GCM1: variants seen among roughly 807,000 people sequenced by gnomAD.
GCM1 encodes the protein chorion-specific transcription factor GCMa.
Under a neutral mutation model 25.7 loss-of-function variants are expected in GCM1, and 2 were observed. That is an observed-to-expected ratio of 0.08 (90% CI 0.03 to 0.24). The LOEUF is 0.24. GCM1 is among the 10% of genes least tolerant of loss of function. GCM1 has a pLI of 1.00. For synonymous variants in GCM1, 183 were observed against 195.7 expected (o/e 0.94, Z 0.54); for missense variants, 395 against 538.7 (o/e 0.73, Z 2.64).
chr6:53,144,124 T>A (rs1410756561), intron 2 of GCM1, among the ~76,000 whole-genome samples: 1 of 152,174 alleles, frequency 6.6e-6, no homozygotes, highest in African/African-American at 2.4e-5. Flanking sequence ...TAAACAGTGA[T>A]ACATGTTGAA....
intron 2 of GCM1, among the ~76,000 whole-genome samples, chr6:53,142,918 A>C (rs1288153658): frequency 6.7e-6 from 1 of 149,652 alleles, no homozygotes; most frequent in Non-Finnish European, 1.5e-5. Flanking sequence ...ATGGAACTAG[A>C]ATTCAAATCT....
chr6:53,142,723 G>A (rs1054845920), intron 2 of GCM1, among the ~76,000 whole-genome samples: 6 of 151,718 alleles, frequency 4.0e-5, no homozygotes, highest in East Asian at 1.9e-4. Flanking sequence ...TTTCATACAC[G>A]TCAGGCACTG....
chr6:53,128,226 T>C lies in GCM1; in HGVS notation c.1291A>G (p.Asn431Asp), dbSNP rs1562086440. 1 of 1,608,634 alleles carries C rather than the reference T, an allele frequency of 6.2e-7. No homozygotes were observed. The change falls in exon 6 of 6, where the codon AAC (asparagine) becomes GAC (aspartate). Residue 431 changes from asparagine to aspartate, a missense_variant. This residue lies in a region of GCM1 where 291 missense variants were observed against 314.6 expected (regional missense o/e 0.92). Coordinates refer to ENST00000259803, the MANE Select transcript of GCM1 (RefSeq NM_003643.4). Reference protein sequence around the residue: ...LDHCNNDMLLNLCPLR With the variant: ...LDHCNNDMLLDLCPLR Reference sequence around the variant, plus strand: ...TTGGGTCATCTCAAAGGACACAGGTTCAGAAGCATATCATTGTTGCAGTGA... The same window carrying C: ...TTGGGTCATCTCAAAGGACACAGGTCCAGAAGCATATCATTGTTGCAGTGA...
chr6:53,134,778 G>A (rs900370485), intron 2 of GCM1, among the ~76,000 whole-genome samples: 6 of 152,180 alleles, frequency 3.9e-5, no homozygotes, highest in African/African-American at 1.4e-4. Context: ...GACCAGCCTG[G>A]GCAACACAGC....
At chr6:53,132,268 A>C (rs1581849708) in intron 3 of GCM1, 149 bp from the exon 4 acceptor site, 1 of 625,456 alleles carries the variant, frequency 1.6e-6, no homozygotes, top group Non-Finnish European at 2.8e-6. Context: ...ACTAGATATT[A>C]CCCCTGACCC....
chr6:53,145,037 G>GAAGGC (rs763498770), intron 2 of GCM1, among the ~76,000 whole-genome samples: 298 of 152,014 alleles, frequency 2.0e-3, no homozygotes, highest in Non-Finnish European at 3.6e-3. Context: ...AAGAAGGCAG[G>GAAGGC]AAGGCAAGGC....
chr6:53,144,982 G>A (rs1363210216), intron 2 of GCM1, among the ~76,000 whole-genome samples: 1 of 99,258 alleles, frequency 1.0e-5, no homozygotes, highest in Non-Finnish European at 2.0e-5. Flanking sequence ...AAAATGAAAA[G>A]AAAGAGAGAG....
At chr6:53,136,675 G>A (rs1763803513) in intron 2 of GCM1, among the ~76,000 whole-genome samples, 1 of 152,118 alleles carries the variant, frequency 6.6e-6, no homozygotes, top group African/African-American at 2.4e-5. Context: ...CCAAATGCAA[G>A]ATAAGAGTCC....
chr6:53,133,351 G>GTGTGTGTGTGTGTGTGTGTGTT (rs1763752901), intron 3 of GCM1, among the ~76,000 whole-genome samples: 1 of 151,640 alleles, frequency 6.6e-6, no homozygotes, highest in Non-Finnish European at 1.5e-5. Context: ...GTGTGTGTGT[G>GTGTGTGTGTGTGTGTGTGTGTT]TGTGTGTGTT....
intron 1 of GCM1, among the ~76,000 whole-genome samples, chr6:53,147,176 A>T (rs1478072799): frequency 6.6e-6 from 1 of 152,218 alleles, no homozygotes; most frequent in Non-Finnish European, 1.5e-5. Context: ...CCAAGAAAAA[A>T]AGAAAGAAAA....
At chr6:53,144,165 T>C (rs1337943585) in intron 2 of GCM1, among the ~76,000 whole-genome samples, 1 of 152,212 alleles carries the variant, frequency 6.6e-6, no homozygotes. Flanking sequence ...TGTGTGCCTA[T>C]AATTCCAGCT....
chr6:53,141,667 G>A (rs2518577), intron 2 of GCM1, among the ~76,000 whole-genome samples: 101,931 of 151,264 alleles, frequency 0.67, 35,215 homozygotes, highest in South Asian at 0.76. Flanking sequence ...AGCCTGGGCA[G>A]CAGAGCGAGA....
intron 1 of GCM1, among the ~76,000 whole-genome samples, chr6:53,147,772 A>G (rs184415585): frequency 7.8e-4 from 118 of 152,240 alleles, no homozygotes; most frequent in African/African-American, 2.5e-3. Context: ...ATACTTGTCA[A>G]TCACTGAACT....
intron 2 of GCM1, among the ~76,000 whole-genome samples, chr6:53,139,235 A>G (rs987897509): frequency 6.6e-6 from 1 of 152,156 alleles, no homozygotes; most frequent in East Asian, 1.9e-4. Flanking sequence ...AGGAAAAAAA[A>G]CCTTCAACCA....
In GCM1 at chr6:53,148,839, T is replaced by C. The variant is rs936065799; in HGVS notation, c.-222A>G. On this transcript the variant is annotated 5_prime_UTR_variant, in exon 1 of 6. Transcript: ENST00000259803. Reference sequence around the variant, plus strand: ...AAGTCCCAGCAGGCTCTGGTCATTTTCTGAGCAGACGCTGTTCCCTATTCC... The same window carrying C: ...AAGTCCCAGCAGGCTCTGGTCATTTCCTGAGCAGACGCTGTTCCCTATTCC... 6.6e-6 allele frequency: 1 copy of C among 152,232 alleles called. No homozygotes were observed. The highest frequency in any genetic ancestry group is 1.5e-5 in the Non-Finnish European group (1 of 68,044). 9.4% of individuals were successfully genotyped at this position (152,232 alleles called of 1,614,324 possible).
intron 2 of GCM1, among the ~76,000 whole-genome samples, chr6:53,137,112 G>A (rs1763811258): frequency 6.6e-6 from 1 of 152,226 alleles, no homozygotes; most frequent in African/African-American, 2.4e-5. Flanking sequence ...AACTACTGTG[G>A]TTTGGGAAGG....
intron 2 of GCM1, among the ~76,000 whole-genome samples, chr6:53,141,988 G>A (rs1483147048): frequency 3.6e-4 from 33 of 92,088 alleles, no homozygotes; most frequent in Non-Finnish European, 5.7e-4. Context: ...TGGGTAATGA[G>A]AGTGAGACCC....
intron 2 of GCM1, among the ~76,000 whole-genome samples, chr6:53,134,854 G>A (rs1280335182): frequency 2.6e-5 from 4 of 152,134 alleles, no homozygotes; most frequent in Non-Finnish European, 4.4e-5. Context: ...GTGAGATAAT[G>A]TCTCGTACCA....
Position 53,145,767 on chromosome 6 carries a change from G to T in GCM1, c.-135C>A. Reference sequence around the variant, plus strand: ...CTTGGACCAGGAGATTGTTTTCTAGGGCTAAAAAAATAAGTTATATTAGTA... The same window carrying T: ...CTTGGACCAGGAGATTGTTTTCTAGTGCTAAAAAAATAAGTTATATTAGTA... On this transcript the variant is annotated splice_region_variant and 5_prime_UTR_variant, in exon 2 of 6. Transcript: ENST00000259803. 1 of 603,716 alleles carries T rather than the reference G, an allele frequency of 1.7e-6. No homozygotes were observed. Among genetic ancestry groups the T allele is most frequent in the Non-Finnish European group, 2.9e-6 (1 of 340,826 alleles). The allele number at this position is 603,716 out of a possible 1,614,324, so 37.4% of individuals were successfully genotyped here. A position where few individuals can be genotyped will look rare whatever the true frequency, so the allele number is the denominator to read the frequency against.
Sources: gnomAD v4.1 joint callset for allele counts (sites outside exome capture counted in the v4.1 genomes callset) on GRCh38, gnomAD v4.1.1 for gene constraint, gnomAD v4.1.1 regional missense constraint, MANE v1.5 for transcripts, NCBI Gene and HGNC (gene_info 2026-07-23, HGNC 2026-07-21) for gene names.